The following IQCJ variants were observed in gnomAD, a reference collection of about 807,000 sequenced individuals.
IQCJ encodes IQ domain-containing protein J.
Under a neutral mutation model 11.0 loss-of-function variants are expected in IQCJ, and 9 were observed. The ratio of observed to expected loss-of-function variants is 0.82; its 90% CI spans 0.49 to 1.43. The LOEUF (loss-of-function observed/expected upper bound fraction) is 1.43. IQCJ is among the 40% of genes most tolerant of loss of function. The probability of loss-of-function intolerance (pLI) is 0.00; values close to 1 mark genes in which losing one functional copy is unlikely to be tolerated. For synonymous variants in IQCJ, 55 were observed against 51.3 expected (o/e 1.07, Z -0.31); for missense variants, 146 against 133.2 (o/e 1.10, Z -0.47).
chr3:159,096,168 G>A (rs1276892977), intron 1 of IQCJ, among the ~76,000 whole-genome samples: 8 of 97,740 alleles, frequency 8.2e-5, no homozygotes, highest in Non-Finnish European at 1.6e-4. Context: ...GTCTTCTTTT[G>A]AGAAGTGTCT....
chr3:159,110,411 C>A (rs1718553129), intron 1 of IQCJ, among the ~76,000 whole-genome samples: 1 of 152,188 alleles, frequency 6.6e-6, no homozygotes, highest in Admixed American at 6.5e-5. Context: ...TCTGTTTCCT[C>A]TGCATCTTTC....
chr3:159,123,843 T>C (rs1719517950), intron 1 of IQCJ, among the ~76,000 whole-genome samples: 1 of 152,126 alleles, frequency 6.6e-6, no homozygotes, highest in African/African-American at 2.4e-5. Context: ...CACATGGAAT[T>C]AGGAACTTCA....
At chr3:159,190,442 C>A (rs1291467268) in intron 1 of IQCJ, among the ~76,000 whole-genome samples, 1 of 152,142 alleles carries the variant, frequency 6.6e-6, no homozygotes, top group Non-Finnish European at 1.5e-5. Flanking sequence ...GCATTCTTCT[C>A]TGGTAATGGA....
At chr3:159,197,992 A>G (rs1724091203) in intron 1 of IQCJ, among the ~76,000 whole-genome samples, 1 of 152,138 alleles carries the variant, frequency 6.6e-6, no homozygotes, top group Admixed American at 6.5e-5. Context: ...GTTTGCAACC[A>G]GTGGTCTAAG....
At chr3:159,227,396 TTTA>T (rs765247075) in intron 1 of IQCJ, among the ~76,000 whole-genome samples, 42 of 152,222 alleles carry the variant, frequency 2.8e-4, no homozygotes, top group Non-Finnish European at 5.3e-4. Flanking sequence ...AGTAAGCATC[TTTA>T]TTATTTTGTA....
At chr3:159,254,453 C>G (rs1191655385) in intron 3 of IQCJ, among the ~76,000 whole-genome samples, 1 of 152,138 alleles carries the variant, frequency 6.6e-6, no homozygotes, top group Non-Finnish European at 1.5e-5. Flanking sequence ...TTTATCTCTT[C>G]TAATAATTCT....
chr3:159,092,094 G>A (rs1456113815), intron 1 of IQCJ, among the ~76,000 whole-genome samples: 1 of 151,772 alleles, frequency 6.6e-6, no homozygotes, highest in African/African-American at 2.4e-5. Flanking sequence ...AAGCTCTGGA[G>A]GACATCACCT....
chr3:159,086,434 T>C (rs1049643743), intron 1 of IQCJ, among the ~76,000 whole-genome samples: 139 of 152,258 alleles, frequency 9.1e-4, no homozygotes, highest in Non-Finnish European at 1.7e-3. Flanking sequence ...TTTAAAGTAG[T>C]TTTTTCCAAT....
Position 159,245,861 on chromosome 3 carries a change from C to T in IQCJ, c.28C>T (p.Gln10Ter). The T allele has an allele frequency of 1.9e-6, 3 of 1,546,990 alleles. No individual in the cohort carries two copies. The highest frequency in any genetic ancestry group is 2.6e-6 in the Non-Finnish European group (3 of 1,141,418). The change falls in exon 2 of 4, where the codon CAG (glutamine) becomes TAG (stop). Residue 10 changes from glutamine to a stop codon, truncating the protein, a stop_gained. Transcript: ENST00000397832. LOFTEE classifies it high-confidence loss of function. ...TTCACAGGAAGAACTGAAAAGATTG[C>T]AGAATCCTCTAGAACAAGTTAATGA... MRLEELKRL[Q>*]NPLEQVNDGK...
chr3:159,108,380 A>C (rs971786694), intron 1 of IQCJ, among the ~76,000 whole-genome samples: 16 of 152,234 alleles, frequency 1.1e-4, no homozygotes, highest in Non-Finnish European at 1.8e-4. Flanking sequence ...ACTAAAAGAG[A>C]TAAAAGCTTA....
At chr3:159,133,002 T>C (rs1195067262) in intron 1 of IQCJ, among the ~76,000 whole-genome samples, 1 of 152,236 alleles carries the variant, frequency 6.6e-6, no homozygotes, top group African/African-American at 2.4e-5. Context: ...ATATTTGGTT[T>C]CAGTTTTTCT....
intron 1 of IQCJ, among the ~76,000 whole-genome samples, chr3:159,077,334 C>T (rs1715991363): frequency 6.6e-6 from 1 of 152,040 alleles, no homozygotes. Context: ...CCCTTTTGAC[C>T]TATCAATTTT....
intron 1 of IQCJ, among the ~76,000 whole-genome samples, chr3:159,151,472 C>T (rs1207923172): frequency 2.6e-5 from 4 of 152,212 alleles, no homozygotes; most frequent in African/African-American, 7.2e-5. Context: ...TTCCAACCTT[C>T]CACCTGCTGC....
At chr3:159,115,108 G>A (rs1001517854) in intron 1 of IQCJ, among the ~76,000 whole-genome samples, 7 of 152,188 alleles carry the variant, frequency 4.6e-5, no homozygotes, top group African/African-American at 1.7e-4. Context: ...TTGAGGTAGT[G>A]TATTAGTTTG....
intron 1 of IQCJ, among the ~76,000 whole-genome samples, chr3:159,127,988 CTA>C (rs1350277860): frequency 6.6e-6 from 1 of 152,110 alleles, no homozygotes; most frequent in East Asian, 1.9e-4. Flanking sequence ...CTGCTGCTGT[CTA>C]TTTAAAAAGA....
intron 1 of IQCJ, among the ~76,000 whole-genome samples, chr3:159,103,684 C>T (rs1389115333): frequency 6.6e-6 from 1 of 152,112 alleles, no homozygotes; most frequent in Non-Finnish European, 1.5e-5. Flanking sequence ...GGAATCATTC[C>T]AGTGCTGACA....
chr3:159,154,923 C>T (rs1721430100), intron 1 of IQCJ, among the ~76,000 whole-genome samples: 1 of 152,056 alleles, frequency 6.6e-6, no homozygotes, highest in Non-Finnish European at 1.5e-5. Context: ...CCCCTTTACT[C>T]CCTGTCTTCC....
In IQCJ at chr3:159,153,760, T is replaced by G. The variant is rs934521246; in HGVS notation, c.9+84319T>G. On this transcript the variant is annotated intron_variant, in intron 1 of 3. Transcript: ENST00000397832. ...GTTTCCATTTCCTTTGTGACATAGG[T>G]TCTACCAATCAGATGCCCCTGTAAC... Among the ~76,000 whole-genome samples, 7 of 152,186 alleles carry G rather than the reference T, an allele frequency of 4.6e-5. No homozygotes were observed. In the South Asian group the frequency reaches 1.5e-3, roughly 32 times the overall value.
chr3:159,101,789 C>T lies in IQCJ; in HGVS notation c.9+32348C>T, dbSNP rs1349512316. On this transcript the variant is annotated intron_variant, in intron 1 of 3. Coordinates refer to ENST00000397832, the MANE Select transcript of IQCJ (RefSeq NM_001042706.3). ...CTTTCTTAATGTCAAGACCCCAGCC[C>T]TTAGTTCATGCTCAGTTAACATGGT... Among the ~76,000 whole-genome samples, 7 of 152,184 alleles carry T rather than the reference C, an allele frequency of 4.6e-5. No individual in the cohort carries two copies. In the East Asian group the frequency reaches 1.3e-3, roughly 29 times the overall value.
Sources: allele counts gnomAD v4.1 joint callset (sites outside exome capture counted in the v4.1 genomes callset), GRCh38; gene constraint gnomAD v4.1.1; transcripts MANE v1.5; gene names NCBI Gene and HGNC (gene_info 2026-07-23, HGNC 2026-07-21).